The following ABLIM2 variants were observed in gnomAD, a reference collection of about 807,000 sequenced individuals.
ABLIM2 encodes actin binding LIM protein family member 2.
ABLIM2 carries 53 observed loss-of-function variants against 97.7 expected under a neutral mutation model. That is an observed-to-expected ratio of 0.54 (90% confidence interval 0.44 to 0.68). The LOEUF is 0.68. Among genes scored for constraint, ABLIM2 ranks in the 30% least tolerant of loss-of-function variants. The probability of loss-of-function intolerance (pLI) is 0.00; values close to 1 mark genes in which losing one functional copy is unlikely to be tolerated. For synonymous variants in ABLIM2, 361 were observed against 345.8 expected (o/e 1.04, Z -0.49); for missense variants, 835 against 867.2 (o/e 0.96, Z 0.47).
At chr4:8,154,760 G>A (rs35606726) in intron 1 of ABLIM2, among the ~76,000 whole-genome samples, 1 of 152,214 alleles carries the variant, frequency 6.6e-6, no homozygotes, top group Admixed American at 6.5e-5. Context: ...AGGGCCTGGA[G>A]CAGCGTGGGC....
intron 11 of ABLIM2, among the ~76,000 whole-genome samples, chr4:8,029,366 C>A (rs574460846): frequency 6.6e-6 from 1 of 152,178 alleles, no homozygotes; most frequent in Non-Finnish European, 1.5e-5. Flanking sequence ...GGAATCTAAG[C>A]GCTCAGCGTG....
chr4:8,056,246 A>C (rs1353639991), intron 7 of ABLIM2, among the ~76,000 whole-genome samples: 1 of 150,958 alleles, frequency 6.6e-6, no homozygotes, highest in Non-Finnish European at 1.5e-5. Flanking sequence ...CTTATAGTAC[A>C]GGTGTACCTA....
rs957864292 is a variant in ABLIM2, at chr4:8,054,353, C to T, written c.764-107G>A. 73 of 1,179,348 alleles carry T rather than the reference C, an allele frequency of 6.2e-5. No homozygotes were observed. Among genetic ancestry groups the T allele is most frequent in the Middle Eastern group, 2.7e-4 (1 of 3,764 alleles). The allele number at this position is 1,179,348 out of a possible 1,614,324, so 73.1% of individuals were successfully genotyped here. Reference sequence around the variant, plus strand: ...GCTGGTCCATGCACAGACGTGCACTCGGACTCCACCCTCCAAGCGGCCCTG... The same window carrying T: ...GCTGGTCCATGCACAGACGTGCACTTGGACTCCACCCTCCAAGCGGCCCTG... On this transcript the variant is annotated intron_variant, in intron 7 of 20. Transcript: ENST00000447017. This position sits in a 1 kb window ranked among gnomAD's most constrained non-coding sequence, Gnocchi z 4.9.
At position 8,122,205 on chromosome 4, in the gene ABLIM2, A is replaced by T. The variant is rs1845783460; in HGVS notation, c.11-15568T>A. Among the ~76,000 whole-genome samples, 1 of 152,132 alleles carries T rather than the reference A, an allele frequency of 6.6e-6. No homozygotes were observed. The highest frequency in any genetic ancestry group is 2.1e-4 in the South Asian group (1 of 4,816). On this transcript the variant is annotated intron_variant, in intron 1 of 20. Transcript: ENST00000447017. This position sits in a 1 kb window ranked among gnomAD's most constrained non-coding sequence, Gnocchi z 4.1. ...ACCTGGAGACACCACACCAGCCTGG[A>T]TGGGGAGTCTCGCTGCCCCCTGTGC...
rs1347543898 is a variant in ABLIM2 at position 8,003,544 on chromosome 4, G to A, written c.1618+4515C>T. Among the ~76,000 whole-genome samples the A allele has an allele frequency of 6.7e-6, 1 of 149,670 alleles. No homozygotes were observed. The highest frequency in any genetic ancestry group is 2.4e-5 in the African/African-American group (1 of 40,834). ...CCACCCACTGTCTCTGGACCACTAC[G>A]CTCTTCTTCCAGTTTTCTTTTTTTT... On this transcript the variant is annotated intron_variant, in intron 16 of 20. Transcript: ENST00000447017. This position sits in a 1 kb window ranked among gnomAD's most constrained non-coding sequence, Gnocchi z 4.2.
Position 8,147,254 on chromosome 4 carries a change from A to AT in ABLIM2, c.10+11425dup, listed in dbSNP as rs201606112. Among the ~76,000 whole-genome samples the AT allele has an allele frequency of 1.1e-3, 174 of 152,080 alleles. No individual in the cohort carries two copies. Among genetic ancestry groups the AT allele is most frequent in the Non-Finnish European group, 2.1e-3 (142 of 67,986 alleles). On this transcript the variant is annotated intron_variant, in intron 1 of 20. Transcript: ENST00000447017. This position sits in a 1 kb window ranked among gnomAD's most constrained non-coding sequence, Gnocchi z 5.3. ...GGGACGTTTAAATTTAGCGAGTAAC[A>AT]TTTTTTTTATCCTATGAGAAGTCAT...
At chr4:8,141,158 C>T (rs1850922087) in intron 1 of ABLIM2, among the ~76,000 whole-genome samples, 1 of 152,172 alleles carries the variant, frequency 6.6e-6, no homozygotes, top group Admixed American at 6.5e-5. Context: ...AGCCTTGTCT[C>T]TTCCCGGCCA....
chr4:8,048,952 G>A (rs1167039907), intron 8 of ABLIM2, among the ~76,000 whole-genome samples: 1 of 152,044 alleles, frequency 6.6e-6, no homozygotes, highest in Non-Finnish European at 1.5e-5. Flanking sequence ...CTCACCCCAA[G>A]GTCCTGAAAC....
At chr4:8,011,987 T>C (rs940624257) in intron 14 of ABLIM2, among the ~76,000 whole-genome samples, 2 of 152,190 alleles carry the variant, frequency 1.3e-5, no homozygotes, top group Admixed American at 6.5e-5. Flanking sequence ...CATATACTTA[T>C]TCATTCACCC....
At chr4:8,077,842 C>G (rs1817260014) in intron 5 of ABLIM2, 121 bp from the exon 6 acceptor site, 1 of 790,636 alleles carries the variant, frequency 1.3e-6, no homozygotes. Context: ...TCCTCCTGCT[C>G]AGGTAACAAT....
In ABLIM2 at chr4:8,032,551, G is replaced by T. The variant is rs964870412; in HGVS notation, c.1048-2775C>A. The T allele has an allele frequency of 4.0e-6, 6 of 1,507,976 alleles. No individual in the cohort carries two copies. The highest frequency in any genetic ancestry group is 5.5e-6 in the Non-Finnish European group (6 of 1,091,992). The allele number at this position is 1,507,976 out of a possible 1,614,324, so 93.4% of individuals were successfully genotyped here. On this transcript the variant is annotated intron_variant, in intron 10 of 20. Coordinates refer to ENST00000447017, the MANE Select transcript of ABLIM2 (RefSeq NM_001130083.2). The surrounding 1 kb of genome is among the most constrained non-coding windows in gnomAD (Gnocchi z 4.3). ...CCGGGCCCCATGGTGAAGAGCCACCGAGGAGGCCCTTCCCGGGAGTGCGGC... is the reference window on the plus strand; with the variant it reads ...CCGGGCCCCATGGTGAAGAGCCACCTAGGAGGCCCTTCCCGGGAGTGCGGC...
intron 9 of ABLIM2, among the ~76,000 whole-genome samples, chr4:8,038,676 T>C (rs896441451): frequency 1.3e-5 from 2 of 152,124 alleles, no homozygotes; most frequent in African/African-American, 4.8e-5. Flanking sequence ...GTGATATGCA[T>C]GAAGAGAAAG....
chr4:8,036,421 GC>G (rs144374348), intron 9 of ABLIM2, 126 bp from the exon 10 acceptor site: 10 of 1,169,956 alleles, frequency 8.5e-6, no homozygotes, highest in African/African-American at 1.6e-5. Flanking sequence ...ACAGGACAGT[GC>G]CCCCAAAGCC....
intron 11 of ABLIM2, among the ~76,000 whole-genome samples, chr4:8,028,712 A>C (rs143519667): frequency 1.4e-5 from 2 of 147,136 alleles, no homozygotes; most frequent in African/African-American, 5.2e-5. Context: ...TTCACTCACT[A>C]ATTCAGTCAT....
Position 7,998,280 on chromosome 4 carries a change from G to A in ABLIM2, c.1619-5353C>T, listed in dbSNP as rs543511771. On this transcript the variant is annotated intron_variant, in intron 16 of 20. Transcript: ENST00000447017. The surrounding 1 kb of genome is among the most constrained non-coding windows in gnomAD (Gnocchi z 6.4). ...GTATCCTGGGCATTTTGGATATTAT[G>A]TTAGAAGACTGATCTTGTTAAGTGT... 3.3e-4 allele frequency among the ~76,000 whole-genome samples: 50 copies of A among 152,248 alleles called. No homozygotes were observed. The South Asian group carries it at 9.8e-3, about 30-fold the overall frequency.
At chr4:8,133,561 C>A (rs1849737121) in intron 1 of ABLIM2, among the ~76,000 whole-genome samples, 1 of 152,180 alleles carries the variant, frequency 6.6e-6, no homozygotes, top group Admixed American at 6.5e-5. Flanking sequence ...CGCACTAGGC[C>A]TCCCAGGTTG....
chr4:7,972,037 C>T (rs769121264), intron 20 of ABLIM2, among the ~76,000 whole-genome samples: 6 of 152,134 alleles, frequency 3.9e-5, no homozygotes, highest in Non-Finnish European at 5.9e-5. Flanking sequence ...TTGCTTAAGC[C>T]GGGCCCAGGC....
At chr4:8,086,362 T>C (rs1823647462) in intron 4 of ABLIM2, among the ~76,000 whole-genome samples, 1 of 150,338 alleles carries the variant, frequency 6.7e-6, no homozygotes, top group Non-Finnish European at 1.5e-5. Context: ...TTTTTTTTTT[T>C]TTTTTTTGAC....
At chr4:8,048,693 T>A (rs1260813624) in intron 8 of ABLIM2, among the ~76,000 whole-genome samples, 1 of 152,108 alleles carries the variant, frequency 6.6e-6, no homozygotes, top group Non-Finnish European at 1.5e-5. Flanking sequence ...CCCAACAGTC[T>A]CCAGCTTCCT....
Sources: gnomAD v4.1 joint callset for allele counts (sites outside exome capture counted in the v4.1 genomes callset) on GRCh38, gnomAD v4.1.1 for gene constraint, Gnocchi (gnomAD v3.1) non-coding constraint, MANE v1.5 for transcripts, NCBI Gene and HGNC (gene_info 2026-07-23, HGNC 2026-07-21) for gene names.